The following CCNY variants were observed in gnomAD, a reference collection of about 807,000 sequenced individuals.
The protein encoded by CCNY is cyclin-Y.
In CCNY, 19 loss-of-function variants were observed where a neutral mutation model predicts 42.8. That is an observed-to-expected ratio of 0.44 (90% confidence interval 0.31 to 0.65). The LOEUF (loss-of-function observed/expected upper bound fraction) is 0.65, where lower values mean the gene tolerates loss of function less well. Among genes scored for constraint, CCNY ranks in the 30% least tolerant of loss-of-function variants. The pLI is 0.07. For synonymous variants in CCNY, 165 were observed against 162.7 expected, an observed-to-expected ratio of 1.01 and a Z score of -0.11; for missense variants, 370 against 437.3, an observed-to-expected ratio of 0.85 and a Z score of 1.37.
intron 2 of CCNY, among the ~76,000 whole-genome samples, chr10:35,498,595 AC>A (rs1292180510): frequency 6.6e-6 from 1 of 152,070 alleles, no homozygotes; most frequent in African/African-American, 2.4e-5. Flanking sequence ...GGGTAAAGTT[AC>A]CCCCCAATCC....
At chr10:35,413,617 G>T (rs1837960331) in intron 1 of CCNY, among the ~76,000 whole-genome samples, 1 of 152,158 alleles carries the variant, frequency 6.6e-6, no homozygotes, top group South Asian at 2.1e-4. Context: ...GCCAGGGGAG[G>T]AAGATTTTTG....
rs779630924 is a variant in CCNY at position 35,530,029 on chromosome 10, C to A, written c.458C>A (p.Ser153Ter). ...TTTGATGAAAATCTTCACCCTCTTTCGGTAATCTCCTCCGTGTGTTTCATG... is the reference window on the plus strand; with the variant it reads ...TTTGATGAAAATCTTCACCCTCTTTAGGTAATCTCCTCCGTGTGTTTCATG... The part of the protein sequence containing the change: ...DIFDENLHPL[S>*]KSEVPPDYDK... The change falls in exon 6 of 10, where the codon TCG becomes TAG. Residue 153 changes from serine to a stop codon, truncating the protein, a stop_gained and splice_region_variant. Transcript: ENST00000374704. LOFTEE classifies it high-confidence loss of function. The surrounding 1 kb of genome is among the most constrained non-coding windows in gnomAD (Gnocchi z 4.3). The A allele has an allele frequency of 6.2e-7, 1 of 1,614,078 alleles. No homozygotes were observed. Among genetic ancestry groups the A allele is most frequent in the Non-Finnish European group, 8.5e-7 (1 of 1,179,926 alleles).
rs571639060 is a variant in CCNY at position 35,406,940 on chromosome 10, C to T, written c.154+69733C>T. Reference sequence around the variant, plus strand: ...TTGGAGCTTTTTCTAATGTCGGGAGCGGATTGGGTAATAAAATGCATATTG... The same window carrying T: ...TTGGAGCTTTTTCTAATGTCGGGAGTGGATTGGGTAATAAAATGCATATTG... On this transcript the variant is annotated intron_variant, in intron 1 of 9. Transcript: ENST00000374704. 5.9e-5 allele frequency among the ~76,000 whole-genome samples: 9 copies of T among 152,210 alleles called. No individual in the cohort carries two copies. In the South Asian group the frequency reaches 1.0e-3, roughly 18 times the overall value.
chr10:35,308,332 C>T (rs1004902183), intron 3 of CCNY, among the ~76,000 whole-genome samples: 2 of 151,806 alleles, frequency 1.3e-5, no homozygotes, highest in East Asian at 1.9e-4. Flanking sequence ...GTGGGAGGAT[C>T]GCCTGAGCCC....
At chr10:35,510,050 C>T (rs532419360) in intron 3 of CCNY, among the ~76,000 whole-genome samples, 141 of 152,090 alleles carry the variant, frequency 9.3e-4, no homozygotes, top group Non-Finnish European at 1.2e-3. Flanking sequence ...CTCTGTGGCC[C>T]GAGGAGGCTG....
chr10:35,312,746 ACT>A (rs1491148778), intron 3 of CCNY, among the ~76,000 whole-genome samples: 4 of 97,068 alleles, frequency 4.1e-5, no homozygotes, highest in Non-Finnish European at 8.4e-5. Flanking sequence ...ATTCCTTTTT[ACT>A]TTTTTTTTTT....
At chr10:35,544,507 A>AT (rs1221969896) in intron 7 of CCNY, among the ~76,000 whole-genome samples, 4 of 152,178 alleles carry the variant, frequency 2.6e-5, no homozygotes, top group Non-Finnish European at 4.4e-5. Context: ...CAAGGATTGA[A>AT]TTGCCTAATG....
At chr10:35,476,066 A>C (rs1165128671) in intron 1 of CCNY, among the ~76,000 whole-genome samples, 1 of 152,260 alleles carries the variant, frequency 6.6e-6, no homozygotes, top group Non-Finnish European at 1.5e-5. Context: ...AAAGGGATCA[A>C]TTCAACAAGA....
chr10:35,438,818 A>G (rs529732220), intron 1 of CCNY, among the ~76,000 whole-genome samples: 46 of 152,282 alleles, frequency 3.0e-4, no homozygotes, highest in African/African-American at 1.0e-3. Context: ...TTTCACTTAG[A>G]GAACTTTGTT....
At chr10:35,419,493 A>G (rs1463084793) in intron 1 of CCNY, among the ~76,000 whole-genome samples, 2 of 148,898 alleles carry the variant, frequency 1.3e-5, no homozygotes, top group Admixed American at 6.7e-5. Flanking sequence ...GGTGGTGGCC[A>G]TGGACCATGA....
intron 3 of CCNY, among the ~76,000 whole-genome samples, chr10:35,507,225 G>A (rs1840232891): frequency 6.6e-6 from 1 of 152,072 alleles, no homozygotes. Flanking sequence ...GTATCCCTTA[G>A]CCTTGTGTTA....
intron 3 of CCNY, among the ~76,000 whole-genome samples, chr10:35,285,484 G>A (rs1172938366): frequency 6.6e-6 from 1 of 152,166 alleles, no homozygotes; most frequent in African/African-American, 2.4e-5. Flanking sequence ...GAGTGTGGTG[G>A]TGCGATCACA....
upstream of CCNY, among the ~76,000 whole-genome samples, chr10:35,335,157 C>T (rs909415137): frequency 1.5e-4 from 20 of 131,894 alleles, no homozygotes; most frequent in Admixed American, 7.0e-4. Flanking sequence ...TTATATTCTT[C>T]CCAATAAAGG....
chr10:35,531,494 A>G (rs1033932041), intron 7 of CCNY, among the ~76,000 whole-genome samples: 1 of 152,250 alleles, frequency 6.6e-6, no homozygotes, highest in Admixed American at 6.5e-5. Flanking sequence ...GAATGATTGC[A>G]GGTTCCTATG....
intron 1 of CCNY, among the ~76,000 whole-genome samples, chr10:35,414,610 A>G (rs531862026): frequency 6.6e-6 from 1 of 152,318 alleles, no homozygotes; most frequent in East Asian, 1.9e-4. Flanking sequence ...GGCGGGAATC[A>G]TTGGGTGGGT....
intron 2 of CCNY, among the ~76,000 whole-genome samples, chr10:35,500,802 A>T (rs1423456374): frequency 2.6e-5 from 4 of 152,202 alleles, no homozygotes; most frequent in African/African-American, 9.7e-5. Flanking sequence ...GTATCTGGGG[A>T]CACTGCAGGC....
chr10:35,287,212 T>C lies in CCNY; in HGVS notation c.-9+36586T>C, dbSNP rs967507919. On this transcript the variant is annotated intron_variant, in intron 3 of 11. Transcript: ENST00000374706. ...ATAGTTTGTCCAAATAGAGGCGTTG[T>C]ATGTTTCTTCAAAAGGGGAGAAAGC... is the stretch of plus-strand genomic sequence containing the variant. Among the ~76,000 whole-genome samples the C allele has an allele frequency of 1.1e-4, 16 of 152,212 alleles. 1 individual carries two copies. The highest frequency in any genetic ancestry group is 3.9e-4 in the African/African-American group (16 of 41,458).
intron 8 of CCNY, among the ~76,000 whole-genome samples, chr10:35,561,785 G>A (rs1204991558): frequency 6.6e-6 from 1 of 152,230 alleles, no homozygotes; most frequent in East Asian, 1.9e-4. Context: ...TGGCTTGGAA[G>A]GCAGCTGACT....
chr10:35,448,336 C>A (rs1838837655), intron 1 of CCNY, among the ~76,000 whole-genome samples: 2 of 152,132 alleles, frequency 1.3e-5, no homozygotes, highest in African/African-American at 4.8e-5. Context: ...GCCGGTGTAG[C>A]AGAAATTCTG....
Sources: gnomAD v4.1 joint callset for allele counts (sites outside exome capture counted in the v4.1 genomes callset) on GRCh38, gnomAD v4.1.1 for gene constraint, Gnocchi (gnomAD v3.1) non-coding constraint, MANE v1.5 for transcripts, NCBI Gene and HGNC (gene_info 2026-07-23, HGNC 2026-07-21) for gene names.